The following PRTG variants were observed in gnomAD, a reference collection of about 807,000 sequenced individuals.
The protein encoded by PRTG is immunoglobulin superfamily, DCC subclass, member 5.
A neutral mutation model predicts 122.5 loss-of-function variants in PRTG; 67 were observed. The observed-to-expected ratio is 0.55, with a 90% CI of 0.45 to 0.67. PRTG has a LOEUF of 0.67. Ranked by LOEUF, PRTG falls within the 30% of genes least tolerant of loss-of-function variation. PRTG has a pLI of 0.00. For synonymous variants in PRTG, 554 were observed against 501.1 expected (o/e 1.11, Z -1.41); for missense variants, 1,435 against 1,415.4 (o/e 1.01, Z -0.22).
intron 2 of PRTG, among the ~76,000 whole-genome samples, chr15:55,729,141 G>A (rs117751052): frequency 7.9e-4 from 121 of 152,276 alleles, no homozygotes; most frequent in East Asian, 6.4e-3. Context: ...ACAGATGAAC[G>A]GGTAAACAAA....
At chr15:55,641,749 C>G (rs2059291688) in intron 11 of PRTG, among the ~76,000 whole-genome samples, 1 of 152,198 alleles carries the variant, frequency 6.6e-6, no homozygotes, top group African/African-American at 2.4e-5. Flanking sequence ...GTCCTTTCTA[C>G]AAACCTACAT....
At chr15:55,717,057 A>C (rs902231810) in intron 2 of PRTG, among the ~76,000 whole-genome samples, 1 of 152,208 alleles carries the variant, frequency 6.6e-6, no homozygotes, top group African/African-American at 2.4e-5. Context: ...CTTAGGTTAC[A>C]TGACATAGCT....
intron 2 of PRTG, among the ~76,000 whole-genome samples, chr15:55,723,104 C>A (rs1021915497): frequency 1.3e-5 from 2 of 152,088 alleles, no homozygotes; most frequent in East Asian, 3.9e-4. Context: ...CAATTAACCC[C>A]AAAACTGGTC....
Position 55,666,744 on chromosome 15 carries a change from T to C in PRTG, c.2041+5701A>G, listed in dbSNP as rs148308986. The stretch of plus-strand genomic sequence containing the variant: ...CATTGCTCTCCTGGGAGGATAACAA[T>C]TTTAACAACAAAAACAACTAACATT... On this transcript the variant is annotated intron_variant, in intron 11 of 19. Coordinates refer to ENST00000389286, the MANE Select transcript of PRTG (RefSeq NM_173814.6). 1.9e-4 allele frequency among the ~76,000 whole-genome samples: 29 copies of C among 152,334 alleles called. No homozygotes were observed. In the East Asian group the frequency reaches 4.6e-3, roughly 24 times the overall value.
intron 18 of PRTG, among the ~76,000 whole-genome samples, 184 bp downstream of exon 18, chr15:55,624,158 T>C (rs577668205): frequency 6.6e-6 from 1 of 151,366 alleles, no homozygotes; most frequent in South Asian, 2.1e-4. Context: ...ACCTTTTATC[T>C]ATCCTCACCT....
chr15:55,729,215 G>A (rs146107364), intron 2 of PRTG, among the ~76,000 whole-genome samples: 1 of 152,304 alleles, frequency 6.6e-6, no homozygotes, highest in African/African-American at 2.4e-5. Context: ...ACTGATACAC[G>A]CCACAACGTG....
chr15:55,639,395 T>C (rs1448986412), intron 13 of PRTG, among the ~76,000 whole-genome samples: 1 of 152,232 alleles, frequency 6.6e-6, no homozygotes, highest in Non-Finnish European at 1.5e-5. Flanking sequence ...AATAGCTTCT[T>C]GCCTAATCTT....
chr15:55,639,974 T>C (rs1237796370), intron 12 of PRTG, 146 bp from the exon 13 acceptor site: 6 of 1,452,538 alleles, frequency 4.1e-6, no homozygotes, highest in Admixed American at 2.7e-5. Context: ...TAGAGATGTA[T>C]CATCCAAACC....
rs897875253 is a variant in PRTG, at chr15:55,672,910, T to C, written c.1853-277A>G. ...AAGAGGCAATAAATACTTTCTAATT[T>C]TGGCCACACTCCTCTGTGATATAGA... is the stretch of plus-strand genomic sequence containing the variant. On this transcript the variant is annotated intron_variant, in intron 10 of 19. Coordinates refer to ENST00000389286, the MANE Select transcript of PRTG (RefSeq NM_173814.6). 6.6e-5 allele frequency among the ~76,000 whole-genome samples: 10 copies of C among 152,182 alleles called. 1 individual carries two copies. Among genetic ancestry groups the C allele is most frequent in the African/African-American group, 2.4e-4 (10 of 41,446 alleles).
Position 55,706,014 on chromosome 15 carries a change from AT to A in PRTG, c.398-22084del, listed in dbSNP as rs56275705. Among the ~76,000 whole-genome samples, 99 of 94,358 alleles carry A rather than the reference AT, an allele frequency of 1.0e-3. 1 individual carries two copies. The highest frequency in any genetic ancestry group is 3.8e-3 in the African/African-American group (84 of 22,160). The allele number at this position is 94,358 out of a possible 152,430, so 61.9% of individuals were successfully genotyped here. A position where few individuals can be genotyped will look rare whatever the true frequency, so the allele number is the denominator to read the frequency against. ...ATGCGCATGCCACCATGCCCAGCTAATTTTTTTTTTTTTTTTTTTGTATTTT... is the reference window on the plus strand; with the variant it reads ...ATGCGCATGCCACCATGCCCAGCTAATTTTTTTTTTTTTTTTTTGTATTTT... On this transcript the variant is annotated intron_variant, in intron 2 of 19. Transcript: ENST00000389286.
rs2059138283 is a variant in PRTG, at chr15:55,615,540, C to T, written c.*4472G>A. 1 of 152,020 alleles carries T rather than the reference C, an allele frequency of 6.6e-6. No homozygotes were observed. Among genetic ancestry groups the T allele is most frequent in the Admixed American group, 6.6e-5 (1 of 15,246 alleles). 9.4% of individuals were successfully genotyped at this position (152,020 alleles called of 1,614,324 possible). A position where few individuals can be genotyped will look rare whatever the true frequency, so the allele number is the denominator to read the frequency against. Reference sequence around the variant, plus strand: ...CTTCTAAACATCAATAAAAAAATCACAATTAGACAACTGGTTGTATATGGT... The same window carrying T: ...CTTCTAAACATCAATAAAAAAATCATAATTAGACAACTGGTTGTATATGGT... On this transcript the variant is annotated 3_prime_UTR_variant, in exon 20 of 20. Transcript: ENST00000389286.
chr15:55,651,510 G>A (rs4597256), intron 11 of PRTG, among the ~76,000 whole-genome samples: 3 of 152,110 alleles, frequency 2.0e-5, no homozygotes, highest in Non-Finnish European at 4.4e-5. Context: ...ATACCATGAA[G>A]AGTAAGTACT....
chr15:55,709,617 T>C (rs1285700020), intron 2 of PRTG, among the ~76,000 whole-genome samples: 1 of 152,120 alleles, frequency 6.6e-6, no homozygotes, highest in Non-Finnish European at 1.5e-5. Context: ...GGCCTCAAAC[T>C]GTTTGGAAAC....
intron 2 of PRTG, among the ~76,000 whole-genome samples, chr15:55,725,112 T>C (rs1420543037): frequency 2.0e-5 from 3 of 152,200 alleles, no homozygotes; most frequent in African/African-American, 7.2e-5. Context: ...TACATCTATA[T>C]CACTATCTAT....
intron 2 of PRTG, chr15:55,738,565 T>C (rs576733715): frequency 2.1e-5 from 15 of 698,262 alleles, no homozygotes; most frequent in South Asian, 1.7e-4. Context: ...CTCTAAAAGG[T>C]GGGAAAATAA....
At position 55,642,072 on chromosome 15, in the gene PRTG, G is replaced by C. The variant is rs535759845; in HGVS notation, c.2042-864C>G. Among the ~76,000 whole-genome samples, 583 of 149,708 alleles carry C rather than the reference G, an allele frequency of 3.9e-3. 3 individuals are homozygous for C. The highest frequency in any genetic ancestry group is 0.01 in the Middle Eastern group (3 of 292). ...GCCTGTAGTCCCAGCTACTCGGGAG[G>C]CTGAGGCAGGAGAATGGCGTGAACC... On this transcript the variant is annotated intron_variant, in intron 11 of 19. Transcript: ENST00000389286.
At chr15:55,634,998 G>T (rs2059248759) in intron 15 of PRTG, among the ~76,000 whole-genome samples, 1 of 152,140 alleles carries the variant, frequency 6.6e-6, no homozygotes, top group Non-Finnish European at 1.5e-5. Context: ...GAAGCAAGCA[G>T]AGGCTTGTGA....
rs776893635 is a variant in PRTG, at chr15:55,680,073, C to G, written c.954G>C (p.Met318Ile). 3.7e-6 allele frequency: 6 copies of G among 1,613,380 alleles called. No individual in the cohort carries two copies. The highest frequency in any genetic ancestry group is 4.2e-6 in the Non-Finnish European group (5 of 1,179,486). ...ACATACCTAATACAGTTAAAGTTGC[C>G]ATAGCAACTGTAAAGTTGCGTGTGC... ...TPGTRNFTVA[M>I]ATLTVLAPPS... Residue 318 changes from methionine to isoleucine, a missense_variant, in exon 6 of 20, where the codon ATG becomes ATC. Coordinates refer to ENST00000389286, the MANE Select transcript of PRTG (RefSeq NM_173814.6).
chr15:55,648,362 C>T (rs1409869360), intron 11 of PRTG, among the ~76,000 whole-genome samples: 1 of 152,188 alleles, frequency 6.6e-6, no homozygotes, highest in Non-Finnish European at 1.5e-5. Context: ...TAAAGTTGTA[C>T]TCGTCAACAA....
Sources: allele counts gnomAD v4.1 joint callset (sites outside exome capture counted in the v4.1 genomes callset), GRCh38; gene constraint gnomAD v4.1.1; transcripts MANE v1.5; gene names NCBI Gene and HGNC (gene_info 2026-07-23, HGNC 2026-07-21).